Variants in VPS50 observed in about 807,000 individuals in gnomAD.
The protein encoded by VPS50 is VPS50 subunit of EARP/GARPII complex.
A neutral mutation model predicts 139.7 loss-of-function variants in VPS50; 70 were observed. The observed-to-expected ratio is 0.50, with a 90% confidence interval of 0.41 to 0.61. VPS50 has a LOEUF of 0.61. Among genes scored for constraint, VPS50 ranks in the 20% least tolerant of loss-of-function variants. The pLI is 0.00. For synonymous variants in VPS50, 365 were observed against 376.7 expected (o/e 0.97, Z 0.36); for missense variants, 921 against 1,133.7 (o/e 0.81, Z 2.69).
At chr7:93,322,646 A>G (rs1435162363) in intron 20 of VPS50, among the ~76,000 whole-genome samples, 1 of 151,560 alleles carries the variant, frequency 6.6e-6, no homozygotes, top group Non-Finnish European at 1.5e-5. Flanking sequence ...AAATTATAGC[A>G]GTTAAGATGA....
At chr7:93,313,770 GTAAAGTA>G (rs1797340927) in intron 20 of VPS50, among the ~76,000 whole-genome samples, 1 of 152,074 alleles carries the variant, frequency 6.6e-6, no homozygotes, top group African/African-American at 2.4e-5. Context: ...TTAAAGTAAA[GTAAAGTA>G]TGGCACAGTC....
chr7:93,342,675 C>G (rs528445744), intron 23 of VPS50, among the ~76,000 whole-genome samples: 2 of 152,344 alleles, frequency 1.3e-5, no homozygotes, highest in East Asian at 3.9e-4. Flanking sequence ...CCACTGACCC[C>G]TGATCCCCGA....
intron 2 of VPS50, among the ~76,000 whole-genome samples, chr7:93,249,322 AAG>A (rs950379952): frequency 3.3e-5 from 5 of 151,568 alleles, no homozygotes; most frequent in Non-Finnish European, 5.9e-5. Flanking sequence ...GAGAGAGAGA[AAG>A]AGAGAGAGAG....
rs373721692 is a variant in VPS50, at chr7:93,261,829, A to G, written c.659+2197A>G. On this transcript the variant is annotated intron_variant, in intron 9 of 27. Coordinates refer to ENST00000305866, the MANE Select transcript of VPS50 (RefSeq NM_017667.4). ...AAGACTTGAGGTAGGCCAGGATATG[A>G]GAGTTGTGAATAGGAAACTGTCTAC... Among the ~76,000 whole-genome samples the G allele has an allele frequency of 9.9e-5, 15 of 152,272 alleles. No homozygotes were observed. The South Asian group carries it at 3.1e-3, about 32-fold the overall frequency.
At chr7:93,275,495 C>G (rs1055499692) in intron 11 of VPS50, among the ~76,000 whole-genome samples, 1 of 152,182 alleles carries the variant, frequency 6.6e-6, no homozygotes, top group African/African-American at 2.4e-5. Context: ...GATCGACTCA[C>G]TGAAGGCCCA....
At chr7:93,256,679 G>A (rs1394321895) in intron 5 of VPS50, 117 bp downstream of exon 5, 3 of 590,680 alleles carry the variant, frequency 5.1e-6, no homozygotes, top group Non-Finnish European at 8.7e-6. Context: ...CATATTGACT[G>A]TTTTTGGGTG....
intron 16 of VPS50, among the ~76,000 whole-genome samples, chr7:93,297,849 G>A (rs1010889480): frequency 2.0e-5 from 3 of 152,134 alleles, no homozygotes; most frequent in African/African-American, 7.2e-5. Context: ...GGAAGGGAGA[G>A]CTAACATGAG....
At chr7:93,348,914 C>T in intron 24 of VPS50, 107 bp downstream of exon 24, 1 of 673,616 alleles carries the variant, frequency 1.5e-6, no homozygotes, top group Non-Finnish European at 2.6e-6. Context: ...TCTTGAAACC[C>T]CAGGAGAGCC....
chr7:93,336,991 C>T (rs1455460779), intron 22 of VPS50, among the ~76,000 whole-genome samples: 2 of 152,070 alleles, frequency 1.3e-5, no homozygotes, highest in Non-Finnish European at 2.9e-5. Flanking sequence ...AGGGTTATAT[C>T]CTTTACTTAT....
intron 12 of VPS50, among the ~76,000 whole-genome samples, chr7:93,283,527 C>T (rs1214199912): frequency 6.6e-6 from 1 of 152,134 alleles, no homozygotes; most frequent in African/African-American, 2.4e-5. Flanking sequence ...TGAGCCACCG[C>T]GCCTGGCCTA....
At chr7:93,234,218 G>T (rs542918659) in intron 1 of VPS50, among the ~76,000 whole-genome samples, 35 of 152,200 alleles carry the variant, frequency 2.3e-4, no homozygotes, top group Non-Finnish European at 3.7e-4. Flanking sequence ...TATGGTAGCT[G>T]TGGTTGGTTT....
At chr7:93,326,406 C>T (rs952622597) in intron 21 of VPS50, among the ~76,000 whole-genome samples, 1 of 147,580 alleles carries the variant, frequency 6.8e-6, no homozygotes, top group Non-Finnish European at 1.5e-5. Flanking sequence ...ATGTAACTAA[C>T]CTGCACATTA....
intron 12 of VPS50, among the ~76,000 whole-genome samples, chr7:93,287,086 G>A (rs556229166): frequency 1.0e-4 from 15 of 146,182 alleles, no homozygotes; most frequent in South Asian, 6.5e-4. Context: ...TGGTCTTTAC[G>A]TTTGTTCCTT....
chr7:93,247,493 C>T (rs1305082319), intron 2 of VPS50, among the ~76,000 whole-genome samples: 1 of 151,920 alleles, frequency 6.6e-6, no homozygotes. Context: ...CCTATTCTCC[C>T]AATTTCTAAA....
chr7:93,328,464 C>T (rs1346677079), intron 21 of VPS50, among the ~76,000 whole-genome samples: 1 of 152,036 alleles, frequency 6.6e-6, no homozygotes, highest in Non-Finnish European at 1.5e-5. Flanking sequence ...AATTAACTTC[C>T]AATTCCGGGT....
At chr7:93,320,909 T>C (rs1797596700) in intron 20 of VPS50, 1 of 152,346 alleles carries the variant, frequency 6.6e-6, no homozygotes, top group African/African-American at 2.4e-5. Flanking sequence ...CACCTCCTTT[T>C]TGGCCCTCTT....
chr7:93,322,472 C>T (rs1043946079), intron 20 of VPS50, among the ~76,000 whole-genome samples: 3 of 151,186 alleles, frequency 2.0e-5, no homozygotes, highest in Non-Finnish European at 3.0e-5. Context: ...TGGTAGCGGG[C>T]GCCTGTAGTC....
chr7:93,277,084 TATAA>T (rs1316728896), intron 12 of VPS50, among the ~76,000 whole-genome samples: 3 of 152,018 alleles, frequency 2.0e-5, no homozygotes, highest in Admixed American at 6.6e-5. Context: ...GGTGAAAGGG[TATAA>T]ATAAAGAAGA....
At chr7:93,255,592 A>G (rs758928854) in intron 4 of VPS50, among the ~76,000 whole-genome samples, 14 of 152,206 alleles carry the variant, frequency 9.2e-5, no homozygotes, top group South Asian at 2.1e-4. Context: ...ATTAACATTG[A>G]TATTTCTTCA....
Sources: allele counts gnomAD v4.1 joint callset (sites outside exome capture counted in the v4.1 genomes callset), GRCh38; gene constraint gnomAD v4.1.1; transcripts MANE v1.5; gene names NCBI Gene and HGNC (gene_info 2026-07-23, HGNC 2026-07-21).